TACC1: variants seen among roughly 807,000 people sequenced by gnomAD.
TACC1 encodes transforming acidic coiled-coil-containing protein 1.
Under a neutral mutation model 84.4 loss-of-function variants are expected in TACC1, and 48 were observed. The observed-to-expected ratio is 0.57, with a 90% CI of 0.45 to 0.72. TACC1 has a LOEUF of 0.72. Among genes scored for constraint, TACC1 ranks in the 30% least tolerant of loss-of-function variants. The pLI is 0.00. For missense variants in TACC1, 920 were observed against 973.0 expected, an observed-to-expected ratio of 0.95 and a Z score of 0.72; for synonymous variants, 372 against 376.3, an observed-to-expected ratio of 0.99 and a Z score of 0.13.
rs1335682736 is a variant in TACC1 at position 38,827,157 on chromosome 8, G to A, written c.1453-11G>A. The A allele has an allele frequency of 5.0e-6, 8 of 1,611,574 alleles. No individual in the cohort carries two copies. Among genetic ancestry groups the A allele is most frequent in the Non-Finnish European group, 6.8e-6 (8 of 1,178,938 alleles). The stretch of plus-strand genomic sequence containing the variant: ...CCTAAAGGGTAGCATCTTCTCTGTT[G>A]TGTTTCTCAGGATGAAGGGGCAGTG... On this transcript the variant is annotated splice_polypyrimidine_tract_variant and intron_variant, in intron 4 of 12. Coordinates refer to ENST00000317827, the MANE Select transcript of TACC1 (RefSeq NM_006283.3).
At chr8:38,746,983 T>C (rs1348727390) in intron 3 of TACC1, among the ~76,000 whole-genome samples, 1 of 152,176 alleles carries the variant, frequency 6.6e-6, no homozygotes, top group Non-Finnish European at 1.5e-5. Flanking sequence ...ACATTGAACA[T>C]TTATGAGCTA....
chr8:38,789,202 T>C (rs1587695271), intron 2 of TACC1, among the ~76,000 whole-genome samples: 1 of 152,188 alleles, frequency 6.6e-6, no homozygotes, highest in Non-Finnish European at 1.5e-5. Context: ...CTTGACTTAA[T>C]TTTTGATAGG....
chr8:38,840,395 A>C, intron 9 of TACC1, 128 bp downstream of exon 9: 1 of 804,960 alleles, frequency 1.2e-6, no homozygotes, highest in African/African-American at 1.7e-5. Context: ...AGCTCTGGAG[A>C]CAGGAGAGTT....
intron 2 of TACC1, among the ~76,000 whole-genome samples, chr8:38,792,084 A>G: frequency 6.6e-6 from 1 of 152,266 alleles, no homozygotes; most frequent in East Asian, 1.9e-4. Context: ...GCTTACTGGT[A>G]AAATAAAACT....
upstream of TACC1, chr8:38,787,166 G>A: frequency 1.0e-6 from 1 of 984,808 alleles, no homozygotes; most frequent in Admixed American, 6.2e-5. Context: ...GAGTAGTACG[G>A]TCCGAGGGGG....
chr8:38,802,399 C>A (rs1157798544), intron 2 of TACC1: 4 of 152,152 alleles, frequency 2.6e-5, no homozygotes, highest in African/African-American at 9.7e-5. Context: ...GGAGTGCGAA[C>A]CCTGTTGTGA....
intron 3 of TACC1, among the ~76,000 whole-genome samples, chr8:38,754,107 C>T (rs1228900455): frequency 6.6e-6 from 1 of 151,906 alleles, no homozygotes; most frequent in African/African-American, 2.4e-5. Context: ...GCACGCACCA[C>T]CACACTTGGC....
chr8:38,757,318 C>G (rs868181128), intron 3 of TACC1: 2 of 1,267,690 alleles, frequency 1.6e-6, no homozygotes, highest in East Asian at 1.4e-4. Context: ...CAGCCCCGGC[C>G]CCAAGTTCTG....
intron 2 of TACC1, among the ~76,000 whole-genome samples, chr8:38,810,672 T>G (rs1823873770): frequency 6.6e-6 from 1 of 152,164 alleles, no homozygotes; most frequent in Non-Finnish European, 1.5e-5. Flanking sequence ...AAGATGAAAG[T>G]GTAGAATGGA....
At chr8:38,740,395 C>A (rs1806829039) in intron 1 of TACC1, among the ~76,000 whole-genome samples, 1 of 152,192 alleles carries the variant, frequency 6.6e-6, no homozygotes, top group Admixed American at 6.5e-5. Context: ...TCCCCAGGGA[C>A]CATTCCTGGA....
At chr8:38,800,115 C>T (rs943829000) in intron 2 of TACC1, among the ~76,000 whole-genome samples, 2 of 152,214 alleles carry the variant, frequency 1.3e-5, no homozygotes, top group Admixed American at 6.5e-5. Context: ...GAGCCGTAAT[C>T]GCCCCACTGT....
chr8:38,840,273 GAGA>G lies in TACC1; in HGVS notation c.1960+8_1960+10del, dbSNP rs1355003207. ...GACTATTGCTCAAATGATTGGTAAG[GAGA>G]ACATTTTGTTTTTTGAGGGTATGAG... On this transcript the variant is annotated splice_region_variant and intron_variant, in intron 9 of 12. Transcript: ENST00000317827. 1 of 1,612,512 alleles carries G rather than the reference GAGA, an allele frequency of 6.2e-7. No individual in the cohort carries two copies.
intron 3 of TACC1, among the ~76,000 whole-genome samples, chr8:38,752,070 T>C (rs1040912740): frequency 2.6e-5 from 4 of 152,204 alleles, no homozygotes; most frequent in Admixed American, 6.5e-5. Context: ...TAAGTAGCAT[T>C]CTGGGGGTAG....
chr8:38,755,096 G>A (rs9969434), intron 3 of TACC1, among the ~76,000 whole-genome samples: 6,792 of 149,042 alleles, frequency 0.046, 505 homozygotes, highest in African/African-American at 0.16. Flanking sequence ...GGAGGCAGAG[G>A]TTGTGGTGAG....
rs1262884454 is a variant in TACC1 at position 38,848,649 on chromosome 8, T to G, written c.*626T>G. 1 of 152,660 alleles carries G rather than the reference T, an allele frequency of 6.6e-6. No homozygotes were observed. Among genetic ancestry groups the G allele is most frequent in the Non-Finnish European group, 1.5e-5 (1 of 68,046 alleles). The allele number at this position is 152,660 out of a possible 1,614,324, so 9.5% of individuals were successfully genotyped here. A position where few individuals can be genotyped will look rare whatever the true frequency, so the allele number is the denominator to read the frequency against. On this transcript the variant is annotated 3_prime_UTR_variant, in exon 13 of 13. Transcript: ENST00000317827. Reference sequence around the variant, plus strand: ...TTGGATGTGAGACCCTATTTTGAAATAGAGTCCTGACTCAGAACACCAACT... The same window carrying G: ...TTGGATGTGAGACCCTATTTTGAAAGAGAGTCCTGACTCAGAACACCAACT...
At chr8:38,827,084 C>T in intron 4 of TACC1, 84 bp from the exon 5 acceptor site, 1 of 1,189,350 alleles carries the variant, frequency 8.4e-7, no homozygotes, top group Non-Finnish European at 1.2e-6. Context: ...GGAGTTGTGT[C>T]TACTTTGTTC....
intron 2 of TACC1, among the ~76,000 whole-genome samples, chr8:38,806,612 G>A (rs565508515): frequency 1.2e-4 from 18 of 152,198 alleles, no homozygotes; most frequent in Admixed American, 3.3e-4. Flanking sequence ...GGAGAAGTGG[G>A]TAGAAGGGGA....
At chr8:38,787,976 G>T (rs1452624874) in intron 1 of TACC1, 25 of 513,250 alleles carry the variant, frequency 4.9e-5, no homozygotes, top group Middle Eastern at 4.8e-4. Flanking sequence ...CCCAGAATCT[G>T]CAGTCTCTCC....
intron 11 of TACC1, 62 bp from the exon 12 acceptor site, chr8:38,846,637 C>T: frequency 6.2e-7 from 1 of 1,600,104 alleles, no homozygotes; most frequent in Admixed American, 1.7e-5. Flanking sequence ...TCCTGACTGG[C>T]TTTGACTAGT....
Sources: gnomAD v4.1 joint callset for allele counts (sites outside exome capture counted in the v4.1 genomes callset) on GRCh38, gnomAD v4.1.1 for gene constraint, MANE v1.5 for transcripts, NCBI Gene and HGNC (gene_info 2026-07-23, HGNC 2026-07-21) for gene names.